Variants in CSNK2A2IP observed in about 807,000 individuals in gnomAD.
CSNK2A2IP encodes casein kinase II subunit alpha'-interacting protein.
chr3:88,418,473 C>G, the CSNK2A2IP span, among the ~76,000 whole-genome samples: 1 of 150,948 alleles, frequency 6.6e-6, no homozygotes, highest in Non-Finnish European at 1.5e-5. Flanking sequence ...TGCGCGCGGG[C>G]GTGTGTTCTC....
At chr3:88,465,431 C>T in the CSNK2A2IP span, 1 of 1,231,684 alleles carries the variant, frequency 8.1e-7, no homozygotes, top group African/African-American at 1.5e-5. Flanking sequence ...TCAGCCAATA[C>T]ATTAACACAT....
At chr3:88,441,047 T>C in the CSNK2A2IP span, among the ~76,000 whole-genome samples, 1 of 152,184 alleles carries the variant, frequency 6.6e-6, no homozygotes, top group African/African-American at 2.4e-5. Context: ...AAAAGGATAG[T>C]AGAATTTAAT....
the CSNK2A2IP span, among the ~76,000 whole-genome samples, chr3:88,378,364 C>T: frequency 6.6e-6 from 1 of 151,682 alleles, no homozygotes; most frequent in African/African-American, 2.4e-5. Context: ...TCTGTCTTTT[C>T]CACTCACGAA....
chr3:88,431,879 A>G, the CSNK2A2IP span, among the ~76,000 whole-genome samples: 5 of 152,162 alleles, frequency 3.3e-5, no homozygotes, highest in Non-Finnish European at 5.9e-5. Context: ...ATGACTCAGG[A>G]AAAAGAAGAG....
chr3:88,373,954 G>A, the CSNK2A2IP span, among the ~76,000 whole-genome samples: 2 of 151,572 alleles, frequency 1.3e-5, no homozygotes, highest in Non-Finnish European at 1.5e-5. Context: ...AATAAATAGT[G>A]AATTATTGAA....
At chr3:88,441,986 G>A in the CSNK2A2IP span, among the ~76,000 whole-genome samples, 2 of 151,648 alleles carry the variant, frequency 1.3e-5, no homozygotes, top group Non-Finnish European at 2.9e-5. Flanking sequence ...TAATTTGGGA[G>A]GTTTTAAAAA....
the CSNK2A2IP span, among the ~76,000 whole-genome samples, chr3:88,413,258 G>A: frequency 2.0e-5 from 3 of 151,976 alleles, no homozygotes; most frequent in Non-Finnish European, 4.4e-5. Flanking sequence ...TATCTGGAAA[G>A]CAGGATGGTG....
At chr3:88,343,386 G>A in the CSNK2A2IP span, 2 of 151,932 alleles carry the variant, frequency 1.3e-5, no homozygotes, top group African/African-American at 4.8e-5. Flanking sequence ...ACAGAAACAA[G>A]GGAGCATTCT....
chr3:88,403,003 ATTAT>A, the CSNK2A2IP span, among the ~76,000 whole-genome samples: 1 of 152,092 alleles, frequency 6.6e-6, no homozygotes, highest in Non-Finnish European at 1.5e-5. Context: ...GCCATCTTTA[ATTAT>A]TTAACCCTAT....
chr3:88,463,052 A>G, the CSNK2A2IP span, among the ~76,000 whole-genome samples: 44,496 of 152,104 alleles, frequency 0.29, 7,257 homozygotes, highest in East Asian at 0.48. Context: ...TCACCTTGAC[A>G]TAAAGAGAAA....
At chr3:88,425,621 C>T in the CSNK2A2IP span, among the ~76,000 whole-genome samples, 1 of 151,830 alleles carries the variant, frequency 6.6e-6, no homozygotes, top group African/African-American at 2.4e-5. Context: ...GTGTAAATGC[C>T]CAGACATGAT....
chr3:88,394,938 C>A, the CSNK2A2IP span, among the ~76,000 whole-genome samples: 4 of 152,078 alleles, frequency 2.6e-5, no homozygotes. Flanking sequence ...GAGTACTGGG[C>A]TTAACATCTG....
the CSNK2A2IP span, among the ~76,000 whole-genome samples, chr3:88,381,202 G>T: frequency 6.6e-6 from 1 of 152,160 alleles, no homozygotes; most frequent in African/African-American, 2.4e-5. Context: ...ACTCTTAAAT[G>T]TTCCTAGCCA....
chr3:88,435,799 A>G, the CSNK2A2IP span, among the ~76,000 whole-genome samples: 12 of 152,124 alleles, frequency 7.9e-5, no homozygotes, highest in Non-Finnish European at 1.6e-4. Flanking sequence ...TCTGTCTCTT[A>G]AAGATTATAG....
chr3:88,401,033 T>C, the CSNK2A2IP span, among the ~76,000 whole-genome samples: 4 of 152,152 alleles, frequency 2.6e-5, no homozygotes, highest in Non-Finnish European at 5.9e-5. Flanking sequence ...TTATTTAGGT[T>C]AAGGCCTTGA....
At chr3:88,407,281 T>C in the CSNK2A2IP span, among the ~76,000 whole-genome samples, 4 of 62,342 alleles carry the variant, frequency 6.4e-5, no homozygotes, top group Non-Finnish European at 1.3e-4. Context: ...AATAAAATCT[T>C]CAGAAAAGTC....
chr3:88,375,416 T>C, the CSNK2A2IP span, among the ~76,000 whole-genome samples: 1 of 151,772 alleles, frequency 6.6e-6, no homozygotes, highest in Admixed American at 6.6e-5. Flanking sequence ...TAAAAAGCTA[T>C]ATTAGTATTT....
At chr3:88,401,984 T>G in the CSNK2A2IP span, among the ~76,000 whole-genome samples, 1 of 151,810 alleles carries the variant, frequency 6.6e-6, no homozygotes, top group African/African-American at 2.4e-5. Flanking sequence ...ATGGGGGAAC[T>G]GTCTTTCCTT....
the CSNK2A2IP span, among the ~76,000 whole-genome samples, chr3:88,451,916 TG>T: frequency 1.3e-4 from 20 of 152,174 alleles, no homozygotes; most frequent in African/African-American, 4.8e-4. Context: ...CTGTAATAAT[TG>T]GCTTTACAAT....
Sources: gnomAD v4.1 joint callset for allele counts (sites outside exome capture counted in the v4.1 genomes callset) on GRCh38, gnomAD v4.1.1 for gene constraint, MANE v1.5 for transcripts, NCBI Gene and HGNC (gene_info 2026-07-23, HGNC 2026-07-21) for gene names.